ARMC8: variants seen among roughly 807,000 people sequenced by gnomAD.
The protein encoded by ARMC8 is armadillo repeat-containing protein 8.
In ARMC8, 20 loss-of-function variants were observed where a neutral mutation model predicts 99.3. The observed-to-expected ratio is 0.20, with a 90% CI of 0.14 to 0.29. The LOEUF (loss-of-function observed/expected upper bound fraction) is 0.29, where lower values mean the gene tolerates loss of function less well. Ranked by LOEUF, ARMC8 falls within the 10% of genes least tolerant of loss-of-function variation. ARMC8 has a pLI of 1.00. For missense variants in ARMC8, 569 were observed against 809.5 expected (o/e 0.70, Z 3.60); for synonymous variants, 263 against 278.3 (o/e 0.95, Z 0.55).
intron 12 of ARMC8, chr3:138,263,527 G>A (rs534673332): frequency 2.1e-4 from 121 of 582,198 alleles, no homozygotes; most frequent in Non-Finnish European, 2.3e-4. Flanking sequence ...TGCCCCTTAC[G>A]CCTGTCATTC....
At chr3:138,216,788 A>T (rs1210292809) in intron 2 of ARMC8, among the ~76,000 whole-genome samples, 1 of 152,204 alleles carries the variant, frequency 6.6e-6, no homozygotes, top group Non-Finnish European at 1.5e-5. Flanking sequence ...TGGCTACTTC[A>T]TACTAATTAG....
chr3:138,258,794 G>T (rs2047525453), intron 12 of ARMC8, among the ~76,000 whole-genome samples: 1 of 152,160 alleles, frequency 6.6e-6, no homozygotes, highest in Non-Finnish European at 1.5e-5. Flanking sequence ...AACATTTTTT[G>T]TGTTACTTAA....
chr3:138,221,758 C>T (rs1045919928), intron 2 of ARMC8, among the ~76,000 whole-genome samples, 168 bp from the exon 3 acceptor site: 2 of 152,192 alleles, frequency 1.3e-5, no homozygotes, highest in Non-Finnish European at 2.9e-5. Flanking sequence ...TTACAGCCCC[C>T]ACATTCACTC....
intron 1 of ARMC8, among the ~76,000 whole-genome samples, chr3:138,204,966 A>C (rs900022218): frequency 6.6e-6 from 1 of 151,440 alleles, no homozygotes; most frequent in African/African-American, 2.4e-5. Context: ...TAACATGTCC[A>C]CAACTGAATT....
chr3:138,225,320 A>G (rs898510133), intron 5 of ARMC8, among the ~76,000 whole-genome samples: 2 of 152,190 alleles, frequency 1.3e-5, no homozygotes, highest in African/African-American at 4.8e-5. Flanking sequence ...CATGTTGGCC[A>G]GGATGGTCTG....
chr3:138,273,206 G>T, intron 17 of ARMC8, 90 bp downstream of exon 17: 1 of 1,300,624 alleles, frequency 7.7e-7, no homozygotes, highest in South Asian at 1.7e-5. Flanking sequence ...ATTAACATCT[G>T]CCCATGAGTG....
chr3:138,246,941 T>C (rs187856767), intron 12 of ARMC8: 1 of 724,784 alleles, frequency 1.4e-6, no homozygotes, highest in African/African-American at 1.9e-5. Context: ...ATGGGGCTTA[T>C]ATAGCATTTT....
intron 6 of ARMC8, among the ~76,000 whole-genome samples, chr3:138,230,420 G>C (rs941022972): frequency 5.9e-5 from 9 of 152,148 alleles, no homozygotes; most frequent in Non-Finnish European, 1.5e-5. Flanking sequence ...AGAGGCCGAG[G>C]CAGGTGGTTC....
rs2044633147 is a variant in ARMC8, at chr3:138,210,527, G to T, written c.122+634G>T. 2.6e-5 allele frequency among the ~76,000 whole-genome samples: 4 copies of T among 152,240 alleles called. No homozygotes were observed. The South Asian group carries it at 8.3e-4, about 32-fold the overall frequency. Reference sequence around the variant, plus strand: ...TGAGTTTCAGATTATCATACTCTTAGCGCATTAGTTCTAAGGAGGAAGGTC... The same window carrying T: ...TGAGTTTCAGATTATCATACTCTTATCGCATTAGTTCTAAGGAGGAAGGTC... On this transcript the variant is annotated intron_variant, in intron 2 of 21. Coordinates refer to ENST00000469044, the MANE Select transcript of ARMC8 (RefSeq NM_001363941.2).
intron 12 of ARMC8, among the ~76,000 whole-genome samples, chr3:138,255,817 TA>T (rs1425491317): frequency 1.3e-5 from 2 of 152,100 alleles, no homozygotes; most frequent in Non-Finnish European, 2.9e-5. Context: ...CCATGTCTAC[TA>T]AAAATACAAA....
At chr3:138,191,448 A>C (rs370853534) in intron 1 of ARMC8, among the ~76,000 whole-genome samples, 1 of 152,218 alleles carries the variant, frequency 6.6e-6, no homozygotes, top group South Asian at 2.1e-4. Context: ...CACTTCACCC[A>C]GTTTCCCTCA....
intron 1 of ARMC8, among the ~76,000 whole-genome samples, chr3:138,190,576 A>T (rs1306044995): frequency 6.6e-6 from 1 of 152,168 alleles, no homozygotes; most frequent in Admixed American, 6.5e-5. Context: ...GGTGTGAGCC[A>T]CTGCACCCGG....
intron 1 of ARMC8, among the ~76,000 whole-genome samples, chr3:138,192,566 C>T (rs2043456047): frequency 6.6e-6 from 1 of 152,032 alleles, no homozygotes; most frequent in South Asian, 2.1e-4. Flanking sequence ...CTTATTTATC[C>T]TTTTGAGACA....
Position 138,270,060 on chromosome 3 carries a change from C to G in ARMC8, c.1407C>G (p.Ala469=). 6.2e-7 allele frequency: 1 copy of G among 1,613,090 alleles called. No individual in the cohort carries two copies. The highest frequency in any genetic ancestry group is 8.5e-7 in the Non-Finnish European group (1 of 1,179,520). Residue 469 remains alanine (A), a synonymous_variant, in exon 16 of 22, where the codon GCC becomes GCG. Transcript: ENST00000469044. The stretch of plus-strand genomic sequence containing the variant: ...GGCAGCCAATTTTGGAATCAGGAGC[C>G]GTAGAGCTACTTTGTGGATTAACTC... ...PSKEPILESG[A]VELLCGLTQS... is the part of the protein sequence containing the mutation.
At chr3:138,191,934 G>A (rs775124292) in intron 1 of ARMC8, among the ~76,000 whole-genome samples, 4 of 152,128 alleles carry the variant, frequency 2.6e-5, no homozygotes, top group Non-Finnish European at 4.4e-5. Flanking sequence ...CTAGTTTTTG[G>A]CTATTATAAC....
intron 18 of ARMC8, among the ~76,000 whole-genome samples, chr3:138,278,367 A>T (rs1177998091): frequency 6.6e-6 from 1 of 151,988 alleles, no homozygotes; most frequent in Non-Finnish European, 1.5e-5. Context: ...TTAGCCAGGT[A>T]TGGTCACGCA....
chr3:138,208,311 C>G (rs919501736), intron 1 of ARMC8, among the ~76,000 whole-genome samples: 2 of 151,992 alleles, frequency 1.3e-5, no homozygotes, highest in Non-Finnish European at 2.9e-5. Context: ...ACTAAAAATA[C>G]AAAAATTAGC....
In ARMC8 at chr3:138,236,213, A is replaced by T. The variant is rs535716429; in HGVS notation, c.610-1096A>T. Reference sequence around the variant, plus strand: ...TGGTAAAGAGCTCATAAGGATAGGAATGGAGAGTGGAACTAACTTCAAACT... The same window carrying T: ...TGGTAAAGAGCTCATAAGGATAGGATTGGAGAGTGGAACTAACTTCAAACT... On this transcript the variant is annotated intron_variant, in intron 7 of 21. Transcript: ENST00000469044. Among the ~76,000 whole-genome samples, 62 of 152,322 alleles carry T rather than the reference A, an allele frequency of 4.1e-4. 1 individual carries two copies. In the South Asian group the frequency reaches 0.012, roughly 29 times the overall value.
chr3:138,244,259 TTTTA>T (rs2046773443), intron 11 of ARMC8, among the ~76,000 whole-genome samples: 2 of 151,934 alleles, frequency 1.3e-5, no homozygotes, highest in Non-Finnish European at 2.9e-5. Flanking sequence ...TCTAAAAGCT[TTTTA>T]TTTTATTTAT....
Sources: gnomAD v4.1 joint callset for allele counts (sites outside exome capture counted in the v4.1 genomes callset) on GRCh38, gnomAD v4.1.1 for gene constraint, MANE v1.5 for transcripts, NCBI Gene and HGNC (gene_info 2026-07-23, HGNC 2026-07-21) for gene names.